CRYZL1: variants seen among roughly 807,000 people sequenced by gnomAD.
CRYZL1 encodes crystallin zeta like 1, also known as ferry endosomal RAB5 effector complex subunit 4.
Under a neutral mutation model 50.6 loss-of-function variants are expected in CRYZL1, and 34 were observed. That is an observed-to-expected ratio of 0.67 (90% CI 0.51 to 0.89). The LOEUF is 0.89. Among genes scored for constraint, CRYZL1 ranks in the 40% least tolerant of loss-of-function variants. CRYZL1 has a pLI of 0.00. For synonymous variants in CRYZL1, 125 were observed against 134.3 expected, an observed-to-expected ratio of 0.93 and a Z score of 0.48; for missense variants, 354 against 402.3, an observed-to-expected ratio of 0.88 and a Z score of 1.03.
intron 7 of CRYZL1, among the ~76,000 whole-genome samples, chr21:33,602,731 C>T (rs2086769825): frequency 6.6e-6 from 1 of 152,148 alleles, no homozygotes; most frequent in Non-Finnish European, 1.5e-5. Flanking sequence ...AAGATCAAAA[C>T]ACTTCAAAAG....
intron 8 of CRYZL1, among the ~76,000 whole-genome samples, chr21:33,599,599 A>G (rs778195215): frequency 3.3e-5 from 5 of 151,656 alleles, no homozygotes; most frequent in Non-Finnish European, 5.9e-5. Context: ...ACAGAGGTAC[A>G]TATATAATAC....
chr21:33,591,531 C>T, intron 11 of CRYZL1: 2 of 372,802 alleles, frequency 5.4e-6, no homozygotes, highest in Non-Finnish European at 9.7e-6. Context: ...TTCATTTCTA[C>T]ACTACATATG....
chr21:33,611,753 T>C (rs1282571695), intron 6 of CRYZL1, among the ~76,000 whole-genome samples: 1 of 152,242 alleles, frequency 6.6e-6, no homozygotes, highest in African/African-American at 2.4e-5. Context: ...AGTCCTGGTG[T>C]ATCCACTGAC....
chr21:33,623,174 C>T (rs2087022270), intron 3 of CRYZL1, among the ~76,000 whole-genome samples: 1 of 151,964 alleles, frequency 6.6e-6, no homozygotes, highest in African/African-American at 2.4e-5. Flanking sequence ...CCATGTTGGC[C>T]AGGATGGTCT....
chr21:33,601,916 C>CAAA (rs540305920), intron 8 of CRYZL1, among the ~76,000 whole-genome samples: 3 of 59,976 alleles, frequency 5.0e-5, no homozygotes, highest in Non-Finnish European at 7.0e-5. Flanking sequence ...GACCCTGTTT[C>CAAA]AAAAAAAAAA....
At chr21:33,628,458 T>G (rs1252602028) in intron 2 of CRYZL1, among the ~76,000 whole-genome samples, 1 of 152,210 alleles carries the variant, frequency 6.6e-6, no homozygotes, top group East Asian at 1.9e-4. Context: ...AGACTATCTT[T>G]CCACTTATTA....
chr21:33,623,255 T>C (rs1279239035), intron 3 of CRYZL1, among the ~76,000 whole-genome samples: 1 of 152,142 alleles, frequency 6.6e-6, no homozygotes, highest in Non-Finnish European at 1.5e-5. Flanking sequence ...TGAGCCACTG[T>C]GCCTGGCCAC....
intron 1 of CRYZL1, among the ~76,000 whole-genome samples, chr21:33,633,319 A>AAT (rs776740611): frequency 3.3e-5 from 5 of 152,226 alleles, no homozygotes; most frequent in Non-Finnish European, 7.3e-5. Flanking sequence ...CTGGGATATA[A>AAT]ACTAGGTGCT....
chr21:33,613,152 C>T (rs377658035), intron 6 of CRYZL1, among the ~76,000 whole-genome samples: 16 of 152,186 alleles, frequency 1.1e-4, no homozygotes, highest in African/African-American at 3.6e-4. Context: ...GATTCTTTCC[C>T]GTCTCAAACT....
In CRYZL1 at chr21:33,603,499, CT is replaced by C; in HGVS notation, c.369del (p.Gly124GlufsTer26). ...KPEKVTWTEAAGSIRDGVRAY... is the reference protein window; with the variant it reads ...KPEKVTWTEAXGSIRDGVRAY... Reference sequence around the variant, plus strand: ...GCACGCACTCCATCCCGAATGCTTCCTGCTGCTTCCGTCCATGTGACCTTTT... The same window carrying C: ...GCACGCACTCCATCCCGAATGCTTCCGCTGCTTCCGTCCATGTGACCTTTT... On this transcript the variant is annotated frameshift_variant, in exon 7 of 13. Coordinates refer to ENST00000381554, the MANE Select transcript of CRYZL1 (RefSeq NM_145858.3). LOFTEE classifies it high-confidence loss of function. 1.2e-6 allele frequency: 2 copies of C among 1,614,148 alleles called. No homozygotes were observed. The highest frequency in any genetic ancestry group is 1.7e-6 in the Non-Finnish European group (2 of 1,180,042).
chr21:33,620,416 G>A (rs2086981084), intron 4 of CRYZL1, among the ~76,000 whole-genome samples: 2 of 151,940 alleles, frequency 1.3e-5, no homozygotes, highest in Admixed American at 1.3e-4. Context: ...TTCAATATAT[G>A]ATTACTTGTG....
chr21:33,629,602 A>T (rs1009304882), intron 2 of CRYZL1, among the ~76,000 whole-genome samples: 2 of 152,082 alleles, frequency 1.3e-5, no homozygotes, highest in Admixed American at 6.6e-5. Context: ...AACTTTACTG[A>T]TTCATTAATT....
At chr21:33,596,941 C>T (rs2086700563) in intron 10 of CRYZL1, among the ~76,000 whole-genome samples, 1 of 151,436 alleles carries the variant, frequency 6.6e-6, no homozygotes, top group Non-Finnish European at 1.5e-5. Flanking sequence ...CGGCTCACTA[C>T]AACCTCCGCT....
intron 2 of CRYZL1, 60 bp from the exon 3 acceptor site, chr21:33,624,820 T>TA (rs2145951666): frequency 6.5e-7 from 1 of 1,529,122 alleles, no homozygotes; most frequent in East Asian, 2.5e-5. Context: ...AGAATATGTC[T>TA]TTATGCTGTG....
chr21:33,640,073 G>A (rs983290879), intron 1 of CRYZL1: 14 of 1,453,616 alleles, frequency 9.6e-6, no homozygotes, highest in Middle Eastern at 2.4e-4. Context: ...TGATCCACCC[G>A]CCTAGGCCTC....
At chr21:33,602,077 C>T (rs531925952) in intron 8 of CRYZL1, among the ~76,000 whole-genome samples, 157 bp downstream of exon 8, 16 of 151,390 alleles carry the variant, frequency 1.1e-4, no homozygotes, top group South Asian at 2.1e-4. Flanking sequence ...TGGGCTCAAG[C>T]AATCCTCCCA....
intron 1 of CRYZL1, among the ~76,000 whole-genome samples, chr21:33,637,171 C>A (rs573899372): frequency 1.3e-5 from 2 of 152,226 alleles, no homozygotes; most frequent in African/African-American, 4.8e-5. Context: ...GATCGCTGGG[C>A]GCGGTGGCTC....
rs764185960 is a variant in CRYZL1, at chr21:33,600,933, G to GTTTTTTTTTTTTTTTTTTT, written c.577+1282_577+1300dup. On this transcript the variant is annotated intron_variant, in intron 8 of 12. Transcript: ENST00000381554. ...TGAGCCACTGTGCCCGGTCCATAAA[G>GTTTTTTTTTTTTTTTTTTT]TTTTTTTTTTTTTTTTTTTTGGGGG... Among the ~76,000 whole-genome samples the GTTTTTTTTTTTTTTTTTTT allele has an allele frequency of 3.4e-5, 2 of 59,520 alleles. 1 individual carries two copies. The highest frequency in any genetic ancestry group is 6.2e-5 in the Non-Finnish European group (2 of 32,430). 39.0% of individuals were successfully genotyped at this position (59,520 alleles called of 152,430 possible).
intron 2 of CRYZL1, among the ~76,000 whole-genome samples, chr21:33,626,120 AT>A (rs1052826881): frequency 6.6e-6 from 1 of 150,410 alleles, no homozygotes; most frequent in African/African-American, 2.4e-5. Flanking sequence ...TGCCTGGCTA[AT>A]TTTTTTTTGT....
Sources: allele counts gnomAD v4.1 joint callset (sites outside exome capture counted in the v4.1 genomes callset), GRCh38; gene constraint gnomAD v4.1.1; transcripts MANE v1.5; gene names NCBI Gene and HGNC (gene_info 2026-07-23, HGNC 2026-07-21).